PIN4: variants seen among roughly 807,000 people sequenced by gnomAD.
PIN4 encodes peptidylprolyl cis/trans isomerase, NIMA-interacting 4.
In PIN4, 3 loss-of-function variants were observed where a neutral mutation model predicts 8.3. That is an observed-to-expected ratio of 0.36 (90% CI 0.16 to 0.93). The LOEUF (loss-of-function observed/expected upper bound fraction) is 0.93. Among genes scored for constraint, PIN4 ranks in the 40% least tolerant of loss-of-function variants. The pLI is 0.44. For synonymous variants in PIN4, 18 were observed against 32.5 expected (o/e 0.55, Z 1.52); for missense variants, 75 against 100.6 (o/e 0.75, Z 1.09).
chrX:72,243,466 T>G, intron 3 of PIN4, among the ~76,000 whole-genome samples: 1 of 110,858 alleles, frequency 9.0e-6, no homozygotes, highest in East Asian at 2.8e-4. Context: ...GGACTTACAT[T>G]AAAATACTCC....
chrX:72,183,330 C>T (rs1298588569), intron 1 of PIN4, among the ~76,000 whole-genome samples: 1 of 111,534 alleles, frequency 9.0e-6, no homozygotes, highest in African/African-American at 3.3e-5. Context: ...CTAGACTGTA[C>T]ATGTAAGTTT....
intron 3 of PIN4, 46 bp from the exon 4 acceptor site, chrX:72,197,322 C>T: frequency 8.8e-7 from 1 of 1,140,550 alleles, no homozygotes. Flanking sequence ...TAGAACTGTT[C>T]CCTCTTCTGG....
intron 3 of PIN4, among the ~76,000 whole-genome samples, chrX:72,258,592 C>A (rs1393659787): frequency 4.5e-5 from 5 of 111,608 alleles, no homozygotes; most frequent in African/African-American, 1.6e-4. Context: ...ACCCTACCCC[C>A]ACCTCCAGAA....
intron 3 of PIN4, chrX:72,205,048 G>A (rs775218566): frequency 2.5e-6 from 3 of 1,206,193 alleles, no homozygotes; most frequent in Non-Finnish European, 3.4e-6. Flanking sequence ...CAAACTTAAA[G>A]TCAAGAGCAT....
intron 3 of PIN4, among the ~76,000 whole-genome samples, chrX:72,245,522 T>A (rs1247520738): frequency 3.6e-5 from 4 of 111,101 alleles, no homozygotes; most frequent in Admixed American, 2.9e-4. Flanking sequence ...TCCCACCCCA[T>A]TTCTAGCTAG....
intron 3 of PIN4, among the ~76,000 whole-genome samples, chrX:72,220,143 G>A (rs1383191524): frequency 9.1e-6 from 1 of 110,130 alleles, no homozygotes; most frequent in Non-Finnish European, 1.9e-5. Context: ...TTGTCCTTTA[G>A]TTTTTAGGCA....
intron 3 of PIN4, among the ~76,000 whole-genome samples, chrX:72,239,922 A>T (rs912363191): frequency 9.1e-6 from 1 of 109,355 alleles, no homozygotes; most frequent in East Asian, 2.9e-4. Context: ...CTTTAAAAAA[A>T]ATTTTTTTCT....
chrX:72,223,074 C>G (rs1474439908), intron 3 of PIN4, among the ~76,000 whole-genome samples: 1 of 103,877 alleles, frequency 9.6e-6, no homozygotes, highest in African/African-American at 3.5e-5. Context: ...CAGTGGCTCA[C>G]GCCTGTAATC....
downstream of PIN4, among the ~76,000 whole-genome samples, chrX:72,202,219 A>G (rs2147578973): frequency 8.9e-6 from 1 of 112,578 alleles, no homozygotes; most frequent in Admixed American, 9.4e-5. Flanking sequence ...AAATTCAGAC[A>G]CCTGACTTCT....
chrX:72,260,038 C>T (rs1438392071), intron 3 of PIN4, among the ~76,000 whole-genome samples: 1 of 110,369 alleles, frequency 9.1e-6, no homozygotes, highest in Non-Finnish European at 1.9e-5. Flanking sequence ...CGCGCCTGGC[C>T]CAGAGGCCAT....
At chrX:72,230,909 G>A (rs943078206) in intron 3 of PIN4, among the ~76,000 whole-genome samples, 4 of 112,221 alleles carry the variant, frequency 3.6e-5, no homozygotes. Context: ...AAGCTTCAGT[G>A]AGCCGAGATC....
At chrX:72,208,685 C>T in intron 3 of PIN4, 1 of 1,192,399 alleles carries the variant, frequency 8.4e-7, no homozygotes, top group Non-Finnish European at 1.1e-6. Context: ...GCTTCTTTGG[C>T]CTCTTTCACA....
chrX:72,205,449 G>A (rs1046661018), intron 3 of PIN4: 12 of 1,210,078 alleles, frequency 9.9e-6, no homozygotes, highest in Admixed American at 4.4e-5. Flanking sequence ...TGTCCTCCAC[G>A]TGGTCTAAAA....
chrX:72,206,549 T>A, intron 3 of PIN4: 1 of 1,211,301 alleles, frequency 8.3e-7, no homozygotes, highest in Non-Finnish European at 1.1e-6. Context: ...TTCTTCTTTG[T>A]TGAAGAAGGA....
chrX:72,192,015 G>A (rs750114789), intron 2 of PIN4, among the ~76,000 whole-genome samples: 1 of 110,366 alleles, frequency 9.1e-6, no homozygotes, highest in Non-Finnish European at 1.9e-5. Context: ...GCAGTGGCGC[G>A]ATCTTGGCTC....
chrX:72,214,564 T>G (rs1376051514), intron 3 of PIN4, among the ~76,000 whole-genome samples: 1 of 107,779 alleles, frequency 9.3e-6, no homozygotes. Context: ...TCCCATCTAC[T>G]CTGGAGGCAA....
At chrX:72,255,544 T>TCC (rs2043107103) in intron 3 of PIN4, 1 of 109,354 alleles carries the variant, frequency 9.1e-6, no homozygotes, top group South Asian at 4.0e-4. Flanking sequence ...GGCGCACCGC[T>TCC]CCCCCACCTG....
At chrX:72,185,316 AT>A (rs934176877) in intron 1 of PIN4, among the ~76,000 whole-genome samples, 3 of 109,703 alleles carry the variant, frequency 2.7e-5, no homozygotes, top group Non-Finnish European at 5.7e-5. Context: ...CATCCATACA[AT>A]TTCTTACACA....
In PIN4 at chrX:72,223,898, C is replaced by T. The variant is rs1184567937; in HGVS notation, c.312+26994C>T. Among the ~76,000 whole-genome samples, 4 of 111,105 alleles carry T rather than the reference C, an allele frequency of 3.6e-5. No individual in the cohort carries two copies. The East Asian group carries it at 1.1e-3, about 32-fold the overall frequency. ...CAAAGGCTTGTCCTAGCCCCTGGCC[C>T]CCTACCAAACCGTGCCCAACTTGTG... is the stretch of plus-strand genomic sequence containing the variant. On this transcript the variant is annotated intron_variant, in intron 3 of 3. Transcript: ENST00000423432.
Sources: gnomAD v4.1 joint callset for allele counts (sites outside exome capture counted in the v4.1 genomes callset) on GRCh38, gnomAD v4.1.1 for gene constraint, MANE v1.5 for transcripts, NCBI Gene and HGNC (gene_info 2026-07-23, HGNC 2026-07-21) for gene names.